Variants in ASS1 observed in about 807,000 individuals in gnomAD.
ASS1 encodes argininosuccinate synthase 1, also known as argininosuccinate synthase.
In ASS1, 58 loss-of-function variants were observed where a neutral mutation model predicts 60.5. The observed-to-expected ratio is 0.96, with a 90% CI of 0.78 to 1.19. The LOEUF is 1.19. Among genes scored for constraint, ASS1 ranks in the 50% most tolerant of loss-of-function variants. The pLI, the probability that ASS1 is intolerant of heterozygous loss-of-function variation, is 0.00. For missense variants in ASS1, 454 were observed against 547.3 expected (o/e 0.83, Z 1.70); for synonymous variants, 200 against 206.9 (o/e 0.97, Z 0.29).
Position 130,454,242 on chromosome 9 carries a change from G to C in ASS1, c.106-63G>C, listed in dbSNP as rs548731643. On this transcript the variant is annotated intron_variant, in intron 2 of 14. Transcript: ENST00000352480. ...CAGGGGGTGGGAGGCTGCTGCATGC[G>C]GATGGTGTGAACTCAGGGCTCCCCC... 136 of 1,530,496 alleles carry C rather than the reference G, an allele frequency of 8.9e-5. No homozygotes were observed. In the African/African-American group the frequency reaches 1.8e-3, roughly 20 times the overall value. The allele number at this position is 1,530,496 out of a possible 1,614,324, so 94.8% of individuals were successfully genotyped here.
chr9:130,472,327 C>T (rs1182198804), intron 8 of ASS1, among the ~76,000 whole-genome samples: 1 of 152,088 alleles, frequency 6.6e-6, no homozygotes, highest in African/African-American at 2.4e-5. Flanking sequence ...AGCGCCAGAG[C>T]CCCGCCCAGG....
Position 130,495,788 on chromosome 9 carries a change from G to A in ASS1, c.1127+765G>A, listed in dbSNP as rs188811267. On this transcript the variant is annotated intron_variant, in intron 13 of 14. Coordinates refer to ENST00000352480, the MANE Select transcript of ASS1 (RefSeq NM_054012.4). Reference sequence around the variant, plus strand: ...ATTCCTGGACTAGATAGCAGCAGGCGAATGTGACACATATCTAGGAGGAGG... The same window carrying A: ...ATTCCTGGACTAGATAGCAGCAGGCAAATGTGACACATATCTAGGAGGAGG... Among the ~76,000 whole-genome samples, 7 of 152,262 alleles carry A rather than the reference G, an allele frequency of 4.6e-5. No homozygotes were observed. The East Asian group carries it at 5.8e-4, about 13-fold the overall frequency.
chr9:130,471,562 T>C (rs373477755), intron 8 of ASS1, 47 bp downstream of exon 8: 130 of 1,570,058 alleles, frequency 8.3e-5, no homozygotes, highest in Non-Finnish European at 1.1e-4. Flanking sequence ...CCTTTGGTGG[T>C]AGCAGCTCCA....
intron 14 of ASS1, among the ~76,000 whole-genome samples, 157 bp downstream of exon 14, chr9:130,499,727 T>C (rs1422009978): frequency 6.6e-6 from 1 of 152,094 alleles, no homozygotes; most frequent in Non-Finnish European, 1.5e-5. Context: ...TTCCTGTCCA[T>C]CTGCCCATAG....
At chr9:130,461,774 C>T (rs1435567482) in intron 4 of ASS1, among the ~76,000 whole-genome samples, 2 of 152,210 alleles carry the variant, frequency 1.3e-5, no homozygotes, top group Non-Finnish European at 2.9e-5. Flanking sequence ...AGCCTTCAGG[C>T]ATTTACCCCC....
intron 1 of ASS1, among the ~76,000 whole-genome samples, chr9:130,447,006 C>T (rs1257558517): frequency 6.6e-6 from 1 of 152,246 alleles, no homozygotes; most frequent in Non-Finnish European, 1.5e-5. Context: ...ATGTGCCCTT[C>T]GTCCATCACC....
intron 8 of ASS1, among the ~76,000 whole-genome samples, chr9:130,473,290 A>G (rs1845917676): frequency 6.6e-6 from 1 of 152,164 alleles, no homozygotes; most frequent in East Asian, 1.9e-4. Flanking sequence ...CTCCTAGGGC[A>G]TCTAAAGCGC....
In ASS1 at chr9:130,483,721, C is replaced by T. The variant is rs1397978805; in HGVS notation, c.838+3272C>T. Among the ~76,000 whole-genome samples the T allele has an allele frequency of 2.9e-5, 4 of 136,970 alleles. No individual in the cohort carries two copies. In the East Asian group the frequency reaches 8.5e-4, roughly 29 times the overall value. The allele number at this position is 136,970 out of a possible 152,430, so 89.9% of individuals were successfully genotyped here. ...TCTCCTCCCAGCCCTGCCCGTCTCACCTCTGCCTGCCCCCGCCTTGCTCCT... is the reference window on the plus strand; with the variant it reads ...TCTCCTCCCAGCCCTGCCCGTCTCATCTCTGCCTGCCCCCGCCTTGCTCCT... On this transcript the variant is annotated intron_variant, in intron 11 of 14. Transcript: ENST00000352480.
intron 13 of ASS1, 87 bp downstream of exon 13, chr9:130,495,110 C>G (rs954799992): frequency 1.4e-6 from 2 of 1,470,862 alleles, no homozygotes; most frequent in Admixed American, 3.9e-5. Flanking sequence ...TGCCTGAGCA[C>G]ATGTCAGGCA....
intron 13 of ASS1, among the ~76,000 whole-genome samples, chr9:130,498,082 C>G (rs750097480): frequency 9.9e-5 from 15 of 152,126 alleles, no homozygotes; most frequent in Admixed American, 5.2e-4. Context: ...ACGCACCCAC[C>G]GGCTTCAAGG....
In ASS1 at chr9:130,477,452, G is replaced by C. The variant is rs986643398; in HGVS notation, c.688+491G>C. ...TGGAAAGCCTTCGCCAGTCTTCATTGAGCCGCTCTGGGCCTCACCCTGCTG... is the reference window on the plus strand; with the variant it reads ...TGGAAAGCCTTCGCCAGTCTTCATTCAGCCGCTCTGGGCCTCACCCTGCTG... On this transcript the variant is annotated intron_variant, in intron 9 of 14. Transcript: ENST00000352480. This position sits in a 1 kb window ranked among gnomAD's most constrained non-coding sequence, Gnocchi z 4.2. Among the ~76,000 whole-genome samples, 21 of 152,200 alleles carry C rather than the reference G, an allele frequency of 1.4e-4. No homozygotes were observed. Among genetic ancestry groups the C allele is most frequent in the African/African-American group, 5.1e-4 (21 of 41,450 alleles).
intron 1 of ASS1, chr9:130,450,338 T>A (rs1284963906): frequency 1.0e-6 from 1 of 987,354 alleles, no homozygotes; most frequent in Non-Finnish European, 1.2e-6. Context: ...TCCCAGGTAC[T>A]GCCCACCTTA....
At chr9:130,500,896 G>C in intron 14 of ASS1, 80 bp from the exon 15 acceptor site, 8 of 1,509,426 alleles carry the variant, frequency 5.3e-6, no homozygotes, top group Non-Finnish European at 6.4e-6. Context: ...AGCCACCCCA[G>C]CTCTGCCTGA....
chr9:130,476,741 G>T lies in ASS1; in HGVS notation c.598-130G>T. 2 of 881,166 alleles carry T rather than the reference G, an allele frequency of 2.3e-6. No individual in the cohort carries two copies. Among genetic ancestry groups the T allele is most frequent in the Non-Finnish European group, 1.9e-6 (1 of 520,100 alleles). 54.6% of individuals were successfully genotyped at this position (881,166 alleles called of 1,614,324 possible). On this transcript the variant is annotated intron_variant, in intron 8 of 14. Transcript: ENST00000352480. The surrounding 1 kb of genome is among the most constrained non-coding windows in gnomAD (Gnocchi z 4.9). ...CTAGGCTGAGGGCTGGGGACCGGGG[G>T]ATCTGCCGGACCCCACCAGCTGGTG... is the stretch of plus-strand genomic sequence containing the variant.
chr9:130,447,027 C>T (rs1020820480), intron 1 of ASS1, among the ~76,000 whole-genome samples: 3 of 152,304 alleles, frequency 2.0e-5, no homozygotes, highest in East Asian at 1.9e-4. Flanking sequence ...AAAGACAAAC[C>T]GAGCTCAGCT....
intron 4 of ASS1, among the ~76,000 whole-genome samples, chr9:130,463,267 C>T (rs550132667): frequency 5.3e-5 from 8 of 152,372 alleles, no homozygotes; most frequent in South Asian, 2.1e-4. Context: ...GAGACGTGCG[C>T]GGCCATTTTC....
intron 6 of ASS1, among the ~76,000 whole-genome samples, chr9:130,469,041 C>T (rs1256991485): frequency 3.3e-5 from 5 of 152,232 alleles, no homozygotes; most frequent in Non-Finnish European, 2.9e-5. Context: ...GACGGAGGTC[C>T]GCTGAGAAGG....
In ASS1 at chr9:130,470,256, C is replaced by A. The variant is rs552679756; in HGVS notation, c.496-578C>A. 6.6e-6 allele frequency among the ~76,000 whole-genome samples: 1 copy of A among 152,176 alleles called. No individual in the cohort carries two copies. Among genetic ancestry groups the A allele is most frequent in the African/African-American group, 2.4e-5 (1 of 41,440 alleles). ...TTAGGAAGCGAAACAGAGCCAGAGC[C>A]GAGTGCCTTGGAGACGGGATCTGCT... is the stretch of plus-strand genomic sequence containing the variant. On this transcript the variant is annotated intron_variant, in intron 6 of 14. Coordinates refer to ENST00000352480, the MANE Select transcript of ASS1 (RefSeq NM_054012.4). This position sits in a 1 kb window ranked among gnomAD's most constrained non-coding sequence, Gnocchi z 4.3.
At position 130,489,271 on chromosome 9, in the gene ASS1, GT is replaced by G; in HGVS notation, c.839-59del. On this transcript the variant is annotated intron_variant, in intron 11 of 14. Coordinates refer to ENST00000352480, the MANE Select transcript of ASS1 (RefSeq NM_054012.4). The surrounding 1 kb of genome is among the most constrained non-coding windows in gnomAD (Gnocchi z 4.1). ...TTTTTTTTTTTGTCATTTGCTGACA[GT>G]TTGGGTTTCATGCGTTTCTCTCTTT... The G allele has an allele frequency of 6.3e-7, 1 of 1,597,012 alleles. No homozygotes were observed. The highest frequency in any genetic ancestry group is 1.7e-5 in the Admixed American group (1 of 59,794).
Sources: gnomAD v4.1 joint callset for allele counts (sites outside exome capture counted in the v4.1 genomes callset) on GRCh38, gnomAD v4.1.1 for gene constraint, Gnocchi (gnomAD v3.1) non-coding constraint, MANE v1.5 for transcripts, NCBI Gene and HGNC (gene_info 2026-07-23, HGNC 2026-07-21) for gene names.